Variants in KIF7 observed in about 807,000 individuals in gnomAD.
KIF7 encodes kinesin-like protein KIF7.
Under a neutral mutation model 135.7 loss-of-function variants are expected in KIF7, and 104 were observed. The ratio of observed to expected loss-of-function variants is 0.77; its 90% CI spans 0.65 to 0.90. The LOEUF is 0.90. Ranked by LOEUF, KIF7 falls within the 40% of genes least tolerant of loss-of-function variation. The pLI, the probability that KIF7 is intolerant of heterozygous loss-of-function variation, is 0.00. For synonymous variants in KIF7, 883 were observed against 809.4 expected (o/e 1.09, Z -1.54); for missense variants, 2,005 against 1,839.1 (o/e 1.09, Z -1.65).
rs749675548 is a variant in KIF7 at position 89,649,016 on chromosome 15, C to A, written c.881G>T (p.Arg294Leu). 1.2e-5 allele frequency: 19 copies of A among 1,547,506 alleles called. No individual in the cohort carries two copies. Among genetic ancestry groups the A allele is most frequent in the Non-Finnish European group, 1.7e-5 (19 of 1,146,450 alleles). The part of the protein sequence containing the change: ...NVISALGDPQ[R>L]RGSHIPYRDS... ...GCGGTAGGGTATGTGGCTGCCCCGG[C>A]GCTGAGGGTCCCCCAGGGCGCTGAT... is the stretch of plus-strand genomic sequence containing the variant. Residue 294 changes from arginine (R) to leucine (L), a missense_variant, in exon 4 of 19, where the codon CGC (arginine) becomes CTC (leucine). By Grantham distance (102) the Arg-to-Leu change is moderately radical. Transcript: ENST00000394412.
At chr15:89,645,791 T>G in intron 8 of KIF7, 102 bp downstream of exon 8, 1 of 1,468,868 alleles carries the variant, frequency 6.8e-7, no homozygotes, top group Non-Finnish European at 9.1e-7. Flanking sequence ...ACCCAGAGGC[T>G]TCCCCACTGC....
intron 13 of KIF7, 25 bp from the exon 14 acceptor site, chr15:89,633,021 A>AGGGAGGGAGGGAGGT: frequency 1.2e-6 from 1 of 804,132 alleles, no homozygotes; most frequent in Non-Finnish European, 2.0e-6. Flanking sequence ...GGAGGGAGGG[A>AGGGAGGGAGGGAGGT]GGGAACTCAG....
downstream of KIF7, chr15:89,623,853 G>A: frequency 1.9e-6 from 3 of 1,613,870 alleles, no homozygotes; most frequent in South Asian, 3.3e-5. Context: ...GACATACCCA[G>A]GCAGGAGAAG....
rs2142030853 is a variant in KIF7 at position 89,649,227 on chromosome 15, T to C, written c.670A>G (p.Thr224Ala). The stretch of plus-strand genomic sequence containing the variant: ...GGGGCGCGCCCCCGCTGCTCCAGGG[T>C]CACGGTGAAGACCGTGTGTGAGCGG... Reference protein sequence around the residue: ...SSRSHTVFTVTLEQRGRAPSR... With the variant: ...SSRSHTVFTVALEQRGRAPSR... Residue 224 changes from threonine (T) to alanine (A), a missense_variant, in exon 4 of 19, where the codon ACC (threonine) becomes GCC (alanine). Transcript: ENST00000394412. 2 of 1,545,960 alleles carry C rather than the reference T, an allele frequency of 1.3e-6. No homozygotes were observed. The highest frequency in any genetic ancestry group is 3.4e-4 in the Middle Eastern group (2 of 5,872).
chr15:89,622,609 C>G (rs1308733909), intron 1 of KIF7, among the ~76,000 whole-genome samples: 3 of 132,306 alleles, frequency 2.3e-5, no homozygotes, highest in South Asian at 4.8e-4. Flanking sequence ...GGAGAAGGGT[C>G]TGAAAACCAT....
intron 1 of KIF7, among the ~76,000 whole-genome samples, chr15:89,621,980 CTCTTTT>C (rs1382472315): frequency 1.2e-5 from 1 of 82,762 alleles, no homozygotes; most frequent in Non-Finnish European, 2.6e-5. Flanking sequence ...TACAAACTGA[CTCTTTT>C]TTTTTTTTTT....
rs139905527 is a variant in KIF7, at chr15:89,640,971, C to A, written c.2394+1232G>T. The stretch of plus-strand genomic sequence containing the variant: ...TAAGCTGAGATTGCACCACAGCACT[C>A]CAGCCTGAGCAACAGAGTGAGACTC... On this transcript the variant is annotated intron_variant, in intron 11 of 18. Coordinates refer to ENST00000394412, the MANE Select transcript of KIF7 (RefSeq NM_198525.3). 2.8e-4 allele frequency among the ~76,000 whole-genome samples: 42 copies of A among 152,186 alleles called. 1 individual carries two copies. In the East Asian group the frequency reaches 7.7e-3, roughly 28 times the overall value.
At chr15:89,627,231 C>G (rs1295074618), downstream of KIF7, 16 of 958,920 alleles carry the variant, frequency 1.7e-5, no homozygotes, top group South Asian at 1.7e-5. Flanking sequence ...TCTAATTCCC[C>G]TTATGGATCC....
At chr15:89,648,199 C>G in intron 5 of KIF7, 56 bp downstream of exon 5, 3 of 1,425,160 alleles carry the variant, frequency 2.1e-6, no homozygotes, top group Non-Finnish European at 2.8e-6. Flanking sequence ...CCTCTTCCTT[C>G]CTCTCCACCA....
intron 11 of KIF7, among the ~76,000 whole-genome samples, chr15:89,634,970 C>T (rs1311570381): frequency 6.6e-6 from 1 of 152,256 alleles, no homozygotes; most frequent in East Asian, 1.9e-4. Flanking sequence ...CAGCACGCAG[C>T]TGGAGACCTG....
chr15:89,625,174 G>T, downstream of KIF7: 1 of 1,613,726 alleles, frequency 6.2e-7, no homozygotes, highest in South Asian at 1.1e-5. Flanking sequence ...ACCCACCTAT[G>T]TGTCACCCCC....
In KIF7 at chr15:89,646,987, C is replaced by T; in HGVS notation, c.1631G>A (p.Gly544Asp). The change falls in exon 7 of 19, where the codon GGC (glycine) becomes GAC (aspartate). Residue 544 changes from glycine to aspartate, a missense_variant. Transcript: ENST00000394412. ...LRLRLELVRP[G>D]WGGPRLLNGL... ...ATTCAGGAGCCGCGGGCCCCCCCAG[C>T]CTGGCCGCACCAGCTCTAACCGCAG... 1 of 1,613,098 alleles carries T rather than the reference C, an allele frequency of 6.2e-7. No individual in the cohort carries two copies. The highest frequency in any genetic ancestry group is 1.1e-5 in the South Asian group (1 of 91,016).
rs527766106 is a variant in KIF7, at chr15:89,642,325, C to T, written c.2272G>A (p.Glu758Lys). 3.1e-6 allele frequency: 5 copies of T among 1,610,816 alleles called. No individual in the cohort carries two copies. The highest frequency in any genetic ancestry group is 1.7e-5 in the Admixed American group (1 of 59,844). Reference sequence around the variant, plus strand: ...AGCTGCCTCTGGCCTTCACTCAGCTCGGCCCGCACCTGCTCTGCCTCCTGC... The same window carrying T: ...AGCTGCCTCTGGCCTTCACTCAGCTTGGCCCGCACCTGCTCTGCCTCCTGC... ...LEQEAEQVRA[E>K]LSEGQRQLRE... Residue 758 changes from glutamate (E) to lysine (K), a missense_variant, in exon 11 of 19, where the codon GAG becomes AAG. Transcript: ENST00000394412.
chr15:89,634,318 C>A (rs916703476), intron 11 of KIF7, among the ~76,000 whole-genome samples: 1 of 152,098 alleles, frequency 6.6e-6, no homozygotes, highest in African/African-American at 2.4e-5. Context: ...TAACAGGACA[C>A]AGGAGCCAAG....
At chr15:89,621,477 C>G in intron 1 of KIF7, 1 of 1,614,098 alleles carries the variant, frequency 6.2e-7, no homozygotes, top group Non-Finnish European at 8.5e-7. Flanking sequence ...ATCAGCCCCT[C>G]AGAAAAGGGT....
At position 89,632,871 on chromosome 15, in the gene KIF7, G is replaced by A. The variant is rs1395282434; in HGVS notation, c.2844C>T (p.Ala948=). 3 of 1,610,148 alleles carry A rather than the reference G, an allele frequency of 1.9e-6. No homozygotes were observed. Among genetic ancestry groups the A allele is most frequent in the Admixed American group, 1.7e-5 (1 of 60,000 alleles). ...CCAGCCCCGTCTTCTCCTGCATCAGGGCCTCCTTCTTGGCCAGGATGGCCT... is the reference window on the plus strand; with the variant it reads ...CCAGCCCCGTCTTCTCCTGCATCAGAGCCTCCTTCTTGGCCAGGATGGCCT... The part of the protein sequence containing the change: ...KREAILAKKE[A]LMQEKTGLES... The change falls in exon 14 of 19, where the codon GCC becomes GCT. Residue 948 remains alanine, a synonymous_variant. Transcript: ENST00000394412.
rs375907115 is a variant in KIF7, at chr15:89,618,210, G to A, written c.181-15C>T. On this transcript the variant is annotated splice_polypyrimidine_tract_variant and intron_variant and NMD_transcript_variant, in intron 1 of 2. Transcript: ENST00000558928. ...TGAAGAGTCCCCTGAAAAAGGAGATGGTGAGTGTTATCTCTTTTTGTTTTT... is the reference window on the plus strand; with the variant it reads ...TGAAGAGTCCCCTGAAAAAGGAGATAGTGAGTGTTATCTCTTTTTGTTTTT... 40 of 1,613,934 alleles carry A rather than the reference G, an allele frequency of 2.5e-5. No homozygotes were observed. In the East Asian group the frequency reaches 3.3e-4, roughly 13 times the overall value.
rs78862745 is a variant in KIF7 at position 89,628,804 on chromosome 15, G to A, written c.3665-18C>T. 5,936 of 1,611,504 alleles carry A rather than the reference G, an allele frequency of 3.7e-3. 202 individuals are homozygous for A. In the African/African-American group the frequency reaches 0.069, roughly 19 times the overall value. On this transcript the variant is annotated intron_variant, in intron 18 of 18. Coordinates refer to ENST00000394412, the MANE Select transcript of KIF7 (RefSeq NM_198525.3). ...CTCCCCACCTGTCATGGAGAGTAACGTGTCCTCATCAGAAACAGGTGGCAA... is the reference window on the plus strand; with the variant it reads ...CTCCCCACCTGTCATGGAGAGTAACATGTCCTCATCAGAAACAGGTGGCAA...
chr15:89,626,165 G>A, downstream of KIF7: 3 of 1,407,866 alleles, frequency 2.1e-6, no homozygotes, highest in East Asian at 2.4e-5. Flanking sequence ...GGAGTGCCAA[G>A]TGTGGGATAG....
Sources: gnomAD v4.1 joint callset for allele counts (sites outside exome capture counted in the v4.1 genomes callset) on GRCh38, gnomAD v4.1.1 for gene constraint, MANE v1.5 for transcripts, NCBI Gene and HGNC (gene_info 2026-07-23, HGNC 2026-07-21) for gene names.